Variants in RBFOX1 observed in about 807,000 individuals in gnomAD.
The protein encoded by RBFOX1 is RNA binding fox-1 homolog 1.
RBFOX1 carries 8 observed loss-of-function variants against 57.7 expected under a neutral mutation model. That is an observed-to-expected ratio of 0.14 (90% confidence interval 0.08 to 0.25). The LOEUF (loss-of-function observed/expected upper bound fraction) is 0.25. Among genes scored for constraint, RBFOX1 ranks in the 10% least tolerant of loss-of-function variants. RBFOX1 has a pLI of 1.00. For synonymous variants in RBFOX1, 326 were observed against 222.4 expected (o/e 1.47, Z -4.15); for missense variants, 611 against 548.5 (o/e 1.11, Z -1.14).
chr16:7,017,829 A>G (rs1384843881), intron 3 of RBFOX1, among the ~76,000 whole-genome samples: 2 of 151,974 alleles, frequency 1.3e-5, no homozygotes, highest in Admixed American at 1.3e-4. Context: ...CTGTTTGTTT[A>G]TTTATTTATT....
At chr16:6,674,660 G>C (rs760248841) in intron 3 of RBFOX1, among the ~76,000 whole-genome samples, 10 of 152,070 alleles carry the variant, frequency 6.6e-5, no homozygotes, top group Admixed American at 2.6e-4. Context: ...GGAGATGTAC[G>C]AATGTAGACT....
intron 4 of RBFOX1, among the ~76,000 whole-genome samples, chr16:7,302,053 C>A (rs920919402): frequency 6.6e-6 from 1 of 152,124 alleles, no homozygotes; most frequent in Non-Finnish European, 1.5e-5. Context: ...ACTGCCAGCA[C>A]CCCCCAATAA....
intron 2 of RBFOX1, among the ~76,000 whole-genome samples, chr16:6,554,353 G>A (rs541378478): frequency 6.6e-6 from 1 of 152,138 alleles, no homozygotes. Flanking sequence ...AGTCTATAGA[G>A]ATGCGAAGTA....
chr16:6,478,423 A>ATT (rs1404224606), intron 2 of RBFOX1, among the ~76,000 whole-genome samples: 39 of 11,978 alleles, frequency 3.3e-3, no homozygotes, highest in East Asian at 0.011. Flanking sequence ...ATATATATAT[A>ATT]TATATATTTT....
intron 3 of RBFOX1, among the ~76,000 whole-genome samples, chr16:5,635,690 G>A (rs1337186138): frequency 6.6e-6 from 1 of 152,136 alleles, no homozygotes; most frequent in Non-Finnish European, 1.5e-5. Context: ...CTGTAACTTG[G>A]CTAAATTACA....
intron 3 of RBFOX1, among the ~76,000 whole-genome samples, chr16:6,663,764 A>G (rs1437591349): frequency 6.6e-6 from 1 of 152,200 alleles, no homozygotes; most frequent in Non-Finnish European, 1.5e-5. Context: ...TGAAAATTAG[A>G]GCATCCCTGA....
At chr16:5,281,926 TAGGTG>T (rs1387163759) in intron 1 of RBFOX1, among the ~76,000 whole-genome samples, 1 of 152,238 alleles carries the variant, frequency 6.6e-6, no homozygotes, top group Admixed American at 6.5e-5. Flanking sequence ...TTATTATTGA[TAGGTG>T]AGGACTTATT....
At chr16:5,732,384 G>A (rs535226876) in intron 3 of RBFOX1, among the ~76,000 whole-genome samples, 3 of 152,240 alleles carry the variant, frequency 2.0e-5, no homozygotes, top group African/African-American at 4.8e-5. Context: ...AGCCCAGAAG[G>A]CTCAAAGCAA....
At chr16:6,062,621 T>TATATATAACATATACATATA (rs1555492773) in intron 1 of RBFOX1, among the ~76,000 whole-genome samples, 3 of 147,712 alleles carry the variant, frequency 2.0e-5, no homozygotes, top group South Asian at 2.1e-4. Context: ...AATATATAAA[T>TATATATAACATATACATATA]ATATATAACA....
chr16:5,516,199 A>G (rs759747054), intron 2 of RBFOX1, among the ~76,000 whole-genome samples: 17 of 152,230 alleles, frequency 1.1e-4, no homozygotes, highest in Non-Finnish European at 1.6e-4. Context: ...GAAAATGAAT[A>G]GGCTGTAAAA....
chr16:6,558,636 AT>A (rs2097137549), intron 2 of RBFOX1, among the ~76,000 whole-genome samples: 1 of 151,974 alleles, frequency 6.6e-6, no homozygotes, highest in African/African-American at 2.4e-5. Flanking sequence ...GTCTAGAAAA[AT>A]TGTCCCTTAT....
intron 2 of RBFOX1, among the ~76,000 whole-genome samples, chr16:5,491,303 G>A (rs1413185251): frequency 2.6e-5 from 4 of 152,036 alleles, no homozygotes; most frequent in Admixed American, 6.6e-5. Flanking sequence ...CTAGCGACTC[G>A]GCAGCCACCC....
chr16:6,409,887 G>C (rs1184713054), intron 2 of RBFOX1, among the ~76,000 whole-genome samples: 1 of 152,162 alleles, frequency 6.6e-6, no homozygotes, highest in Non-Finnish European at 1.5e-5. Context: ...GCTCTTGGAG[G>C]GTTTGGGTTT....
intron 1 of RBFOX1, among the ~76,000 whole-genome samples, chr16:5,396,317 C>G (rs1055960190): frequency 6.6e-6 from 1 of 152,048 alleles, no homozygotes; most frequent in African/African-American, 2.4e-5. Context: ...AGTAGTGAAT[C>G]AAGATGGGTC....
At chr16:6,727,288 T>C (rs1029809669) in intron 3 of RBFOX1, among the ~76,000 whole-genome samples, 4 of 152,108 alleles carry the variant, frequency 2.6e-5, no homozygotes, top group African/African-American at 9.7e-5. Context: ...TTAATTGCGT[T>C]TTTTGCCATT....
intron 2 of RBFOX1, among the ~76,000 whole-genome samples, chr16:6,609,148 A>G (rs1198599948): frequency 2.6e-5 from 4 of 152,114 alleles, no homozygotes; most frequent in Non-Finnish European, 4.4e-5. Flanking sequence ...ACCATGTCAT[A>G]TGATACATTC....
At chr16:7,236,182 A>G (rs1461814746) in intron 4 of RBFOX1, among the ~76,000 whole-genome samples, 2 of 152,162 alleles carry the variant, frequency 1.3e-5, no homozygotes. Flanking sequence ...ATCTTCTCAT[A>G]TTTAATATAT....
At chr16:5,440,924 A>T in intron 1 of RBFOX1, among the ~76,000 whole-genome samples, 1 of 152,178 alleles carries the variant, frequency 6.6e-6, no homozygotes, top group East Asian at 1.9e-4. Flanking sequence ...ACCTGGTTAG[A>T]ACTATGTTTT....
intron 3 of RBFOX1, among the ~76,000 whole-genome samples, chr16:5,696,674 T>C (rs2050853622): frequency 6.6e-6 from 1 of 152,200 alleles, no homozygotes; most frequent in African/African-American, 2.4e-5. Flanking sequence ...TATTATAATT[T>C]TGATATGAAT....
Sources: gnomAD v4.1 joint callset for allele counts (sites outside exome capture counted in the v4.1 genomes callset) on GRCh38, gnomAD v4.1.1 for gene constraint, MANE v1.5 for transcripts, NCBI Gene and HGNC (gene_info 2026-07-23, HGNC 2026-07-21) for gene names.